TAFA1: variants seen among roughly 807,000 people sequenced by gnomAD.
TAFA1 encodes chemokine-like protein TAFA-1.
Under a neutral mutation model 18.5 loss-of-function variants are expected in TAFA1, and 4 were observed. The observed-to-expected ratio is 0.22, with a 90% CI of 0.11 to 0.49. TAFA1 has a LOEUF of 0.49. Among genes scored for constraint, TAFA1 ranks in the 20% least tolerant of loss-of-function variants. TAFA1 has a pLI of 0.98. For missense variants in TAFA1, 147 were observed against 169.0 expected (o/e 0.87, Z 0.72); for synonymous variants, 56 against 55.2 (o/e 1.01, Z -0.06).
At chr3:68,539,538 T>C (rs1343431156) in intron 4 of TAFA1, among the ~76,000 whole-genome samples, 6 of 151,920 alleles carry the variant, frequency 3.9e-5, no homozygotes, top group Non-Finnish European at 8.8e-5. Flanking sequence ...GGGTGGGAGA[T>C]GCTCCGGATG....
At chr3:68,415,186 C>T (rs999464571) in intron 2 of TAFA1, among the ~76,000 whole-genome samples, 2 of 152,130 alleles carry the variant, frequency 1.3e-5, no homozygotes, top group African/African-American at 4.8e-5. Flanking sequence ...CCTTCGCTAC[C>T]TTGTACTTCT....
intron 2 of TAFA1, among the ~76,000 whole-genome samples, chr3:68,409,290 C>G (rs4855469): frequency 6.6e-6 from 1 of 151,912 alleles, no homozygotes. Flanking sequence ...TTCTTGGACA[C>G]GAAACCACTG....
intron 2 of TAFA1, among the ~76,000 whole-genome samples, chr3:68,276,296 T>C (rs2067795892): frequency 6.6e-6 from 1 of 152,172 alleles, no homozygotes; most frequent in African/African-American, 2.4e-5. Flanking sequence ...TGAATAATTC[T>C]TGGTCATGGG....
intron 3 of TAFA1, among the ~76,000 whole-genome samples, chr3:68,419,249 G>GGC (rs2070909918): frequency 6.6e-6 from 1 of 152,148 alleles, no homozygotes; most frequent in African/African-American, 2.4e-5. Flanking sequence ...GTGGTAGACC[G>GGC]CAAGGGCTGG....
chr3:68,055,311 G>A (rs1459314471), intron 2 of TAFA1, among the ~76,000 whole-genome samples: 1 of 152,032 alleles, frequency 6.6e-6, no homozygotes, highest in Non-Finnish European at 1.5e-5. Flanking sequence ...TATGCGGGGG[G>A]CAAGAGGTGG....
chr3:68,479,059 C>T (rs781100538), intron 3 of TAFA1, among the ~76,000 whole-genome samples: 16 of 150,220 alleles, frequency 1.1e-4, no homozygotes, highest in African/African-American at 3.9e-4. Context: ...AGTGAAACCC[C>T]ATCTCTACTA....
chr3:68,368,843 C>T (rs925946794), intron 2 of TAFA1, among the ~76,000 whole-genome samples: 1 of 152,182 alleles, frequency 6.6e-6, no homozygotes, highest in Non-Finnish European at 1.5e-5. Context: ...GGCAGCATCA[C>T]ACAAGAATGT....
chr3:68,381,179 A>T (rs2069943634), intron 2 of TAFA1, among the ~76,000 whole-genome samples: 1 of 147,754 alleles, frequency 6.8e-6, no homozygotes, highest in Admixed American at 6.8e-5. Context: ...GTAGCCTTGT[A>T]GTATAGTTTG....
the TAFA1 span, among the ~76,000 whole-genome samples, chr3:67,995,906 A>C: frequency 6.6e-6 from 1 of 152,198 alleles, no homozygotes; most frequent in South Asian, 2.1e-4. Context: ...TAAAACACCT[A>C]AAACATGAAT....
chr3:68,262,318 T>TGA (rs2067444999), intron 2 of TAFA1, among the ~76,000 whole-genome samples: 1 of 66,382 alleles, frequency 1.5e-5, no homozygotes, highest in Non-Finnish European at 2.9e-5. Flanking sequence ...TATATATATA[T>TGA]ATATATATAT....
At chr3:68,255,299 T>C (rs986706656) in intron 2 of TAFA1, among the ~76,000 whole-genome samples, 1 of 152,176 alleles carries the variant, frequency 6.6e-6, no homozygotes, top group African/African-American at 2.4e-5. Flanking sequence ...TACAAACCTA[T>C]ATTTTGTAAA....
At chr3:68,424,122 G>A (rs967319452) in intron 3 of TAFA1, among the ~76,000 whole-genome samples, 1 of 152,026 alleles carries the variant, frequency 6.6e-6, no homozygotes, top group Admixed American at 6.6e-5. Context: ...AAGTCATCCT[G>A]CTATTTCTGT....
chr3:68,306,666 A>G (rs2106663542), intron 2 of TAFA1, among the ~76,000 whole-genome samples: 1 of 152,222 alleles, frequency 6.6e-6, no homozygotes, highest in Admixed American at 6.5e-5. Flanking sequence ...CTGGAACTAC[A>G]TTATGTAAAA....
Position 68,006,743 on chromosome 3 carries a change from A to G in TAFA1, c.117A>G (p.Pro39=). Residue 39 remains proline (P), a splice_region_variant and synonymous_variant, in exon 2 of 5, where the codon CCA becomes CCG. Coordinates refer to ENST00000478136, the MANE Select transcript of TAFA1 (RefSeq NM_213609.4). The stretch of plus-strand genomic sequence containing the variant: ...TCCAGCAGCATCACCTGCACAGACC[A>G]GGTAAGTCAGGAGCTGGCTCCACTG... ...HTFQQHHLHR[P]EGGTCEVIAA... is the part of the protein sequence containing the mutation. The G allele has an allele frequency of 6.2e-7, 1 of 1,609,158 alleles. No homozygotes were observed. The highest frequency in any genetic ancestry group is 8.5e-7 in the Non-Finnish European group (1 of 1,175,416).
chr3:68,320,995 T>C (rs767870907), intron 2 of TAFA1, among the ~76,000 whole-genome samples: 6 of 152,158 alleles, frequency 3.9e-5, no homozygotes, highest in South Asian at 4.1e-4. Flanking sequence ...CCACTTTTCA[T>C]ATACATTGGG....
intron 2 of TAFA1, chr3:68,145,166 T>C (rs1459037899): frequency 5.9e-6 from 5 of 841,862 alleles, no homozygotes; most frequent in Admixed American, 3.4e-5. Flanking sequence ...TAATGCAAGA[T>C]ATCTTTGGAA....
At chr3:68,329,355 A>T (rs116176962) in intron 2 of TAFA1, among the ~76,000 whole-genome samples, 3 of 151,034 alleles carry the variant, frequency 2.0e-5, no homozygotes, top group African/African-American at 7.3e-5. Flanking sequence ...TGTGAGCCAC[A>T]GCGCCCAGCC....
At chr3:68,096,000 A>G (rs1460766803) in intron 2 of TAFA1, among the ~76,000 whole-genome samples, 1 of 152,078 alleles carries the variant, frequency 6.6e-6, no homozygotes, top group Non-Finnish European at 1.5e-5. Flanking sequence ...GATATGCAAT[A>G]CATTGTTTTT....
intron 3 of TAFA1, among the ~76,000 whole-genome samples, chr3:68,520,028 A>G (rs2072994426): frequency 6.6e-6 from 1 of 152,208 alleles, no homozygotes; most frequent in Admixed American, 6.5e-5. Context: ...GGATCGTATG[A>G]CCAACAAAAT....
Sources: allele counts gnomAD v4.1 joint callset (sites outside exome capture counted in the v4.1 genomes callset), GRCh38; gene constraint gnomAD v4.1.1; transcripts MANE v1.5; gene names NCBI Gene and HGNC (gene_info 2026-07-23, HGNC 2026-07-21).